Variants in G3BP2 observed in about 807,000 individuals in gnomAD.
The protein encoded by G3BP2 is ras GTPase-activating protein-binding protein 2.
Under a neutral mutation model 56.7 loss-of-function variants are expected in G3BP2, and 11 were observed. That is an observed-to-expected ratio of 0.19 (90% CI 0.12 to 0.32). G3BP2 has a LOEUF of 0.32. Among genes scored for constraint, G3BP2 ranks in the 10% least tolerant of loss-of-function variants. The pLI, the probability that G3BP2 is intolerant of heterozygous loss-of-function variation, is 1.00. For synonymous variants in G3BP2, 165 were observed against 191.6 expected, an observed-to-expected ratio of 0.86 and a Z score of 1.15; for missense variants, 340 against 610.9, an observed-to-expected ratio of 0.56 and a Z score of 4.67.
chr4:75,678,069 CT>C (rs1269114251), upstream of G3BP2, among the ~76,000 whole-genome samples: 2 of 152,214 alleles, frequency 1.3e-5, no homozygotes, highest in South Asian at 2.1e-4. Flanking sequence ...GCCCTTTGAT[CT>C]TGAACTACTC....
intron 1 of G3BP2, among the ~76,000 whole-genome samples, chr4:75,663,654 G>T (rs563196884): frequency 1.5e-4 from 23 of 152,036 alleles, no homozygotes; most frequent in Admixed American, 1.2e-3. Context: ...AAGGGCAGGA[G>T]TTCAAGACCA....
At chr4:75,671,257 A>T (rs540121805) in intron 1 of G3BP2, among the ~76,000 whole-genome samples, 86 of 152,322 alleles carry the variant, frequency 5.6e-4, no homozygotes, top group Non-Finnish European at 7.8e-4. Context: ...ATTGAAAAGG[A>T]GTCATTCACT....
In G3BP2 at chr4:75,721,438, TG is replaced by T. The variant is rs1720174391; in HGVS notation, c.-117-470del. ...CATGCTCAGCTAATATTTTATTTTT[TG>T]TAGAGACAGGGTTTTGCCACATTGC... On this transcript the variant is annotated intron_variant, in intron 2 of 3. Transcript: ENST00000499709. Among the ~76,000 whole-genome samples the T allele has an allele frequency of 2.0e-5, 3 of 151,860 alleles. No individual in the cohort carries two copies. In the South Asian group the frequency reaches 6.2e-4, roughly 32 times the overall value.
At chr4:75,703,342 G>C (rs1464550608) in intron 3 of G3BP2, among the ~76,000 whole-genome samples, 2 of 152,120 alleles carry the variant, frequency 1.3e-5, no homozygotes, top group African/African-American at 4.8e-5. Flanking sequence ...CACTGCGGAG[G>C]CAGCAGCCAG....
chr4:75,683,577 AAG>A (rs1718439556), intron 3 of G3BP2, among the ~76,000 whole-genome samples: 2 of 152,192 alleles, frequency 1.3e-5, no homozygotes, highest in South Asian at 4.1e-4. Flanking sequence ...AAAAAAAAAA[AAG>A]AATAAAGATG....
At chr4:75,695,580 G>A (rs1322443044) in intron 3 of G3BP2, among the ~76,000 whole-genome samples, 1 of 152,116 alleles carries the variant, frequency 6.6e-6, no homozygotes, top group African/African-American at 2.4e-5. Context: ...AGTGCCAAGA[G>A]AAACACAGAT....
chr4:75,671,321 G>T (rs1223810798), intron 1 of G3BP2, among the ~76,000 whole-genome samples: 1 of 152,150 alleles, frequency 6.6e-6, no homozygotes, highest in Non-Finnish European at 1.5e-5. Flanking sequence ...AATCTAGGGG[G>T]AAAATGTTCA....
rs142411603 is a variant in G3BP2 at position 75,691,451 on chromosome 4, C to T, written c.-24-29402G>A. ...TTCAAACTCCTGGCCTCAAGCAATC[C>T]TCCCACCTCGGCCTCCCAAAGTACT... is the stretch of plus-strand genomic sequence containing the variant. On this transcript the variant is annotated intron_variant, in intron 3 of 3. Transcript: ENST00000499709. Among the ~76,000 whole-genome samples, 452 of 152,272 alleles carry T rather than the reference C, an allele frequency of 3.0e-3. 4 individuals are homozygous for T. Among genetic ancestry groups the T allele is most frequent in the African/African-American group, 0.01 (430 of 41,568 alleles).
chr4:75,666,608 T>C (rs1340288981), intron 1 of G3BP2, among the ~76,000 whole-genome samples: 1 of 152,200 alleles, frequency 6.6e-6, no homozygotes, highest in African/African-American at 2.4e-5. Context: ...GGTTTGGGTA[T>C]TGCAGGAAAT....
chr4:75,670,424 A>T (rs1009743743), intron 1 of G3BP2: 4 of 152,212 alleles, frequency 2.6e-5, no homozygotes, highest in Non-Finnish European at 5.9e-5. Context: ...TTCACAAAGA[A>T]GATCTAAGAA....
At chr4:75,717,854 C>G (rs1719987827) in intron 3 of G3BP2, among the ~76,000 whole-genome samples, 1 of 151,852 alleles carries the variant, frequency 6.6e-6, no homozygotes, top group South Asian at 2.1e-4. Flanking sequence ...TATAAAAAGT[C>G]CTTTGGCCAG....
At position 75,661,989 on chromosome 4, in the gene G3BP2, G is replaced by T; in HGVS notation, c.37C>A (p.Arg13=). Residue 13 remains arginine (R), a synonymous_variant, in exon 2 of 12, where the codon CGG becomes AGG. Coordinates refer to ENST00000359707, the MANE Select transcript of G3BP2 (RefSeq NM_203505.3). ...GTATAATATTGCCTCACAAACTCCC[G>T]CCCTACAAGCAGCGGACTGGGCTTC... The part of the protein sequence containing the change: ...MEKPSPLLVG[R]EFVRQYYTLL... 3.1e-6 allele frequency: 5 copies of T among 1,611,416 alleles called. No homozygotes were observed. The South Asian group carries it at 5.5e-5, about 18-fold the overall frequency.
At chr4:75,673,615 A>G, upstream of G3BP2, 1 of 1,231,314 alleles carries the variant, frequency 8.1e-7, no homozygotes, top group Non-Finnish European at 1.0e-6. Context: ...GAACCGGCCT[A>G]AAGCCAAGAT....
At chr4:75,721,107 ATTT>A (rs1462882997) in intron 2 of G3BP2, among the ~76,000 whole-genome samples, 1 of 151,926 alleles carries the variant, frequency 6.6e-6, no homozygotes, top group Non-Finnish European at 1.5e-5. Context: ...CGCCGAGCTA[ATTT>A]TGTATTTTTA....
intron 7 of G3BP2, 159 bp downstream of exon 7, chr4:75,654,905 CAA>C: frequency 1.7e-6 from 1 of 595,602 alleles, no homozygotes; most frequent in Non-Finnish European, 2.9e-6. Context: ...GGCAGGGAAA[CAA>C]TAACATTTTC....
At chr4:75,714,472 C>T (rs1006854699) in intron 3 of G3BP2, among the ~76,000 whole-genome samples, 20 of 152,118 alleles carry the variant, frequency 1.3e-4, no homozygotes, top group Non-Finnish European at 2.1e-4. Flanking sequence ...ACTAAAAATA[C>T]AAAAAATTAA....
intron 3 of G3BP2, among the ~76,000 whole-genome samples, chr4:75,688,268 C>T (rs1004997242): frequency 6.6e-5 from 10 of 152,112 alleles, no homozygotes; most frequent in Admixed American, 2.0e-4. Flanking sequence ...GTCTCAAACT[C>T]GTGGTCTCAA....
Position 75,647,062 on chromosome 4 carries a change from T to C in G3BP2, c.1024A>G (p.Ile342Val). The C allele has an allele frequency of 6.3e-7, 1 of 1,597,730 alleles. No homozygotes were observed. The highest frequency in any genetic ancestry group is 8.6e-7 in the Non-Finnish European group (1 of 1,167,514). ...QLFVGNLPHD[I>V]DENELKEFFM... ...AATTCCTTTAGCTCATTTTCATCAA[T>C]ATCATGTGGCAAGTTACCAACAAAA... is the stretch of plus-strand genomic sequence containing the variant. The change falls in exon 10 of 12, where the codon ATT becomes GTT. Residue 342 changes from isoleucine to valine, a missense_variant. Physicochemically the swap from Ile to Val is conservative, Grantham distance 29. This residue lies in a region of G3BP2 where 224 missense variants were observed against 332.5 expected (regional missense o/e 0.67). Coordinates refer to ENST00000359707, the MANE Select transcript of G3BP2 (RefSeq NM_203505.3).
At chr4:75,717,213 C>T (rs1458619619) in intron 3 of G3BP2, among the ~76,000 whole-genome samples, 5 of 151,992 alleles carry the variant, frequency 3.3e-5, no homozygotes, top group Admixed American at 2.0e-4. Flanking sequence ...GAGGTTGAGG[C>T]GGGTGGGTCT....
Sources: allele counts gnomAD v4.1 joint callset (sites outside exome capture counted in the v4.1 genomes callset), GRCh38; gene constraint gnomAD v4.1.1; regional missense constraint gnomAD v4.1.1; transcripts MANE v1.5; gene names NCBI Gene and HGNC (gene_info 2026-07-23, HGNC 2026-07-21).